The following PASK variants were observed in gnomAD, a reference collection of about 807,000 sequenced individuals.
PASK encodes the protein PAS domain containing serine/threonine kinase.
Under a neutral mutation model 121.0 loss-of-function variants are expected in PASK, and 110 were observed. That is an observed-to-expected ratio of 0.91 (90% CI 0.78 to 1.06). The LOEUF is 1.06. Among genes scored for constraint, PASK ranks in the 50% least tolerant of loss-of-function variants. The pLI, the probability that PASK is intolerant of heterozygous loss-of-function variation, is 0.00. For missense variants in PASK, 1,643 were observed against 1,702.3 expected, an observed-to-expected ratio of 0.97 and a Z score of 0.61; for synonymous variants, 686 against 717.8, an observed-to-expected ratio of 0.96 and a Z score of 0.71.
Position 241,142,946 on chromosome 2 carries a change from T to C in PASK, c.87A>G (p.Pro29=), listed in dbSNP as rs780877678. Reference sequence around the variant, plus strand: ...TGGGCTCAGCAGTGGTCTGTGCAGCTGGGCCCTCTGCTGACACTGGCAAGG... The same window carrying C: ...TGGGCTCAGCAGTGGTCTGTGCAGCCGGGCCCTCTGCTGACACTGGCAAGG... ...SLPLPVSAEG[P]AAQTTAEPSR... Residue 29 remains proline (P), a synonymous_variant, in exon 2 of 18, where the codon CCA becomes CCG. Coordinates refer to ENST00000234040, the MANE Select transcript of PASK (RefSeq NM_015148.4). 1 of 1,613,606 alleles carries C rather than the reference T, an allele frequency of 6.2e-7. No individual in the cohort carries two copies. Among genetic ancestry groups the C allele is most frequent in the Non-Finnish European group, 8.5e-7 (1 of 1,179,556 alleles).
chr2:241,149,122 G>A (rs1384770963), intron 1 of PASK, among the ~76,000 whole-genome samples: 1 of 151,196 alleles, frequency 6.6e-6, no homozygotes. Context: ...CCCGAGGCGC[G>A]GGGCCTCGGC....
In PASK at chr2:241,126,506, G is replaced by A; in HGVS notation, c.2409C>T (p.Thr803=). The A allele has an allele frequency of 1.9e-6, 3 of 1,614,244 alleles. No homozygotes were observed. Among genetic ancestry groups the A allele is most frequent in the Non-Finnish European group, 2.5e-6 (3 of 1,180,036 alleles). ...DDRELLLLTG[T]CVDLGQGRRF... is the part of the protein sequence containing the mutation. ...GTCGGCCTTGGCCAAGGTCAACACAGGTGCCGGTCAGTAGTAACAGCTCCC... is the reference window on the plus strand; with the variant it reads ...GTCGGCCTTGGCCAAGGTCAACACAAGTGCCGGTCAGTAGTAACAGCTCCC... Residue 803 remains threonine, a synonymous_variant, in exon 10 of 18, where the codon ACC becomes ACT. Transcript: ENST00000234040.
At chr2:241,126,126 A>G in intron 10 of PASK, 70 bp downstream of exon 10, 1 of 1,384,528 alleles carries the variant, frequency 7.2e-7, no homozygotes, top group Non-Finnish European at 1.0e-6. Flanking sequence ...CAGAACAAGG[A>G]AGGCCCTGCA....
chr2:241,134,462 T>C (rs1396741103), intron 8 of PASK: 1 of 152,238 alleles, frequency 6.6e-6, no homozygotes, highest in East Asian at 1.9e-4. Flanking sequence ...CAGCTTCTAA[T>C]GCCCCAGGCG....
chr2:241,123,820 G>GAA (rs745583195), intron 11 of PASK, 129 bp downstream of exon 11: 320 of 670,278 alleles, frequency 4.8e-4, no homozygotes, highest in Non-Finnish European at 5.8e-4. Flanking sequence ...CTCCGTCCCA[G>GAA]AAAAAAAAAA....
At chr2:241,147,244 A>G (rs1159201617) in intron 1 of PASK, among the ~76,000 whole-genome samples, 1 of 152,206 alleles carries the variant, frequency 6.6e-6, no homozygotes, top group Admixed American at 6.5e-5. Flanking sequence ...ATGTTGTAAA[A>G]CCTTACTTTC....
chr2:241,122,953 T>A lies in PASK; in HGVS notation c.2905-54A>T. Reference sequence around the variant, plus strand: ...CACATGCAACTGCACCGGGCAGAGGTGCAGCACCCACAGTGGTCCCCCTGC... The same window carrying A: ...CACATGCAACTGCACCGGGCAGAGGAGCAGCACCCACAGTGGTCCCCCTGC... On this transcript the variant is annotated intron_variant, in intron 11 of 17. Coordinates refer to ENST00000234040, the MANE Select transcript of PASK (RefSeq NM_015148.4). The A allele has an allele frequency of 1.0e-5, 16 of 1,572,056 alleles. No individual in the cohort carries two copies. The South Asian group carries it at 1.7e-4, about 17-fold the overall frequency.
At chr2:241,111,531 C>T (rs913927151) in intron 15 of PASK, among the ~76,000 whole-genome samples, 5 of 152,190 alleles carry the variant, frequency 3.3e-5, no homozygotes, top group African/African-American at 7.2e-5. Flanking sequence ...AGACAGTGAT[C>T]GGGCACGTCA....
intron 15 of PASK, among the ~76,000 whole-genome samples, chr2:241,111,813 T>C (rs992815359): frequency 6.6e-6 from 1 of 152,172 alleles, no homozygotes; most frequent in Admixed American, 6.5e-5. Context: ...TCAGCACGAA[T>C]CCTCTGCCTC....
chr2:241,128,786 A>T (rs1364353342), intron 9 of PASK, among the ~76,000 whole-genome samples: 2 of 152,014 alleles, frequency 1.3e-5, no homozygotes, highest in Non-Finnish European at 2.9e-5. Context: ...ACCTCGCTTG[A>T]GCACAGGAGT....
chr2:241,133,140 G>A (rs376521714), intron 8 of PASK, 110 bp from the exon 9 acceptor site: 491 of 1,120,928 alleles, frequency 4.4e-4, no homozygotes, highest in Non-Finnish European at 5.6e-4. Flanking sequence ...GACCAGCATC[G>A]ACCACCTCTC....
chr2:241,149,848 G>C, upstream of PASK: 1 of 1,479,740 alleles, frequency 6.8e-7, no homozygotes, highest in South Asian at 1.3e-5. Context: ...ACTTGCAAGG[G>C]GAGCCCAGCT....
In PASK at chr2:241,142,968, A is replaced by G; in HGVS notation, c.65T>C (p.Leu22Ser). Residue 22 changes from leucine to serine, a missense_variant, in exon 2 of 18, where the codon TTG (leucine) becomes TCG (serine). Leu to Ser is a moderately radical substitution (Grantham distance 145). Coordinates refer to ENST00000234040, the MANE Select transcript of PASK (RefSeq NM_015148.4). ...DQRCLSQSLPLPVSAEGPAAQ... is the reference protein window; with the variant it reads ...DQRCLSQSLPSPVSAEGPAAQ... ...AGCTGGGCCCTCTGCTGACACTGGC[A>G]AGGGGAGGCTCTGGGAAAGGCATCT... 1 of 1,613,978 alleles carries G rather than the reference A, an allele frequency of 6.2e-7. No homozygotes were observed. Among genetic ancestry groups the G allele is most frequent in the Non-Finnish European group, 8.5e-7 (1 of 1,179,902 alleles).
intron 3 of PASK, among the ~76,000 whole-genome samples, 163 bp from the exon 4 acceptor site, chr2:241,140,218 GCAGCGGCGCAA>G (rs2066640117): frequency 2.7e-5 from 3 of 111,366 alleles, no homozygotes; most frequent in African/African-American, 8.8e-5. Flanking sequence ...AGAGCTCACT[GCAGCGGCGCAA>G]TCAGAGCTCA....
upstream of PASK, chr2:241,149,983 G>C (rs548157544): frequency 2.1e-6 from 3 of 1,418,374 alleles, no homozygotes; most frequent in South Asian, 4.5e-5. Context: ...CGGGGACGCC[G>C]GGAGAATGTT....
Position 241,137,078 on chromosome 2 carries a change from C to T in PASK, c.1063G>A (p.Gly355Arg). Residue 355 changes from glycine (G) to arginine (R), a missense_variant, in exon 7 of 18, where the codon GGG (glycine) becomes AGG (arginine). Gly to Arg is a moderately radical substitution (Grantham distance 125). This residue lies in a region of PASK where 1,176 missense variants were observed against 1,162.2 expected (regional missense o/e 1.01). Transcript: ENST00000234040. ...ISGLITLLPD[G>R]TIHGINHSFA... ...CTGTGGTTGATGCCGTGGATGGTCC[C>T]ATCCGGCAGGAGGGTGATGAGGCCA... is the stretch of plus-strand genomic sequence containing the variant. 1 of 1,613,660 alleles carries T rather than the reference C, an allele frequency of 6.2e-7. No homozygotes were observed. Among genetic ancestry groups the T allele is most frequent in the Non-Finnish European group, 8.5e-7 (1 of 1,179,836 alleles).
In PASK at chr2:241,126,964, C is replaced by A. The variant is rs1400909172; in HGVS notation, c.1951G>T (p.Glu651Ter). 6.2e-7 allele frequency: 1 copy of A among 1,614,240 alleles called. No homozygotes were observed. The highest frequency in any genetic ancestry group is 8.5e-7 in the Non-Finnish European group (1 of 1,180,046). ...PTLDEPWLGV[E>*]NDREELQTCL... ...GTCTGCAGCTCTTCTCGGTCGTTTT[C>A]CACTCCCAGCCACGGCTCATCTAGA... Residue 651 changes from glutamate (E) to a stop codon, truncating the protein, a stop_gained, in exon 10 of 18, where the codon GAA becomes TAA. Coordinates refer to ENST00000234040, the MANE Select transcript of PASK (RefSeq NM_015148.4). LOFTEE classifies it high-confidence loss of function.
intron 15 of PASK, among the ~76,000 whole-genome samples, chr2:241,110,504 C>T (rs2065064321): frequency 6.6e-6 from 1 of 152,208 alleles, no homozygotes. Context: ...AGGAGCAGTA[C>T]ACCGCTCACA....
chr2:241,113,272 A>G (rs2065180847), intron 14 of PASK: 1 of 152,234 alleles, frequency 6.6e-6, no homozygotes, highest in Admixed American at 6.5e-5. Context: ...ACAAATGAGT[A>G]TCTTTCAAAT....
Sources: allele counts gnomAD v4.1 joint callset (sites outside exome capture counted in the v4.1 genomes callset), GRCh38; gene constraint gnomAD v4.1.1; regional missense constraint gnomAD v4.1.1; transcripts MANE v1.5; gene names NCBI Gene and HGNC (gene_info 2026-07-23, HGNC 2026-07-21).